LMO7: variants seen among roughly 807,000 people sequenced by gnomAD.
LMO7 encodes the protein LIM domain only protein 7.
Under a neutral mutation model 206.5 loss-of-function variants are expected in LMO7, and 120 were observed. The ratio of observed to expected loss-of-function variants is 0.58; its 90% CI spans 0.50 to 0.68. LMO7 has a LOEUF of 0.68. LMO7 is among the 30% of genes least tolerant of loss of function. The pLI, the probability that LMO7 is intolerant of heterozygous loss-of-function variation, is 0.00. For missense variants in LMO7, 1,959 were observed against 1,957.9 expected (o/e 1.00, Z -0.01); for synonymous variants, 706 against 681.5 (o/e 1.04, Z -0.56).
At chr13:75,662,399 G>A (rs1333353606) in intron 1 of LMO7, among the ~76,000 whole-genome samples, 2 of 152,264 alleles carry the variant, frequency 1.3e-5, no homozygotes, top group African/African-American at 2.4e-5. Context: ...GCTGACTGCA[G>A]TTGTGACTTC....
intron 3 of LMO7, among the ~76,000 whole-genome samples, chr13:75,737,782 T>TAAAAAAAAAAAAA (rs71127577): frequency 2.8e-5 from 1 of 36,336 alleles, no homozygotes; most frequent in Non-Finnish European, 4.1e-5. Flanking sequence ...TAAAATAAAA[T>TAAAAAAAAAAAAA]AAAAAAAAAA....
At chr13:75,740,401 C>T (rs1052969320) in intron 3 of LMO7, among the ~76,000 whole-genome samples, 1 of 152,198 alleles carries the variant, frequency 6.6e-6, no homozygotes, top group Admixed American at 6.5e-5. Context: ...CTACAATGAG[C>T]TATGATTGCA....
intron 1 of LMO7, among the ~76,000 whole-genome samples, chr13:75,678,943 G>A (rs1258252696): frequency 6.6e-6 from 1 of 152,114 alleles, no homozygotes; most frequent in Non-Finnish European, 1.5e-5. Context: ...TGGAAGTTTG[G>A]AAAAGACCTT....
intron 1 of LMO7, among the ~76,000 whole-genome samples, chr13:75,686,896 G>A (rs541645775): frequency 2.4e-4 from 36 of 152,154 alleles, no homozygotes; most frequent in Middle Eastern, 6.8e-3. Flanking sequence ...CTCTCCATGC[G>A]TCCTCACATA....
chr13:75,624,890 TA>T (rs1166149489), intron 2 of LMO7, among the ~76,000 whole-genome samples: 1 of 151,790 alleles, frequency 6.6e-6, no homozygotes, highest in Non-Finnish European at 1.5e-5. Context: ...TCAACACTCT[TA>T]GACACAAGGA....
At chr13:75,834,157 T>G in intron 16 of LMO7, 69 bp from the exon 17 acceptor site, 1 of 1,203,680 alleles carries the variant, frequency 8.3e-7, no homozygotes, top group Non-Finnish European at 1.2e-6. Flanking sequence ...TTTCTTAAGT[T>G]CAAAGCAGCA....
intron 3 of LMO7, among the ~76,000 whole-genome samples, chr13:75,735,057 C>G (rs2045663927): frequency 6.6e-6 from 1 of 151,124 alleles, no homozygotes; most frequent in Non-Finnish European, 1.5e-5. Flanking sequence ...GAGATCACGC[C>G]ACTGAACTCC....
intron 1 of LMO7, among the ~76,000 whole-genome samples, chr13:75,646,524 T>G (rs2037026852): frequency 6.6e-6 from 1 of 152,132 alleles, no homozygotes. Flanking sequence ...CTCTTCGACT[T>G]GCTTACTGTG....
At chr13:75,776,174 T>TATATATATATATCGG (rs1555317305) in intron 4 of LMO7, among the ~76,000 whole-genome samples, 3 of 59,952 alleles carry the variant, frequency 5.0e-5, no homozygotes, top group Non-Finnish European at 9.2e-5. Context: ...TATATATATA[T>TATATATATATATCGG]ATATATATAT....
chr13:75,635,456 G>A (rs1202703161), upstream of LMO7, among the ~76,000 whole-genome samples: 1 of 151,888 alleles, frequency 6.6e-6, no homozygotes, highest in Non-Finnish European at 1.5e-5. Context: ...CCCCGGCCCT[G>A]CACACCTACC....
At position 75,727,012 on chromosome 13, in the gene LMO7, T is replaced by C; in HGVS notation, c.141-17T>C. The stretch of plus-strand genomic sequence containing the variant: ...ATTGGCATCTTGTAATTGCATCTGT[T>C]ATTTATTTACTTTCAGTTTGATTAA... On this transcript the variant is annotated splice_polypyrimidine_tract_variant and intron_variant, in intron 2 of 30. Coordinates refer to ENST00000377534, the MANE Select transcript of LMO7 (RefSeq NM_001306080.2). The C allele has an allele frequency of 7.0e-7, 1 of 1,433,554 alleles. No homozygotes were observed. The highest frequency in any genetic ancestry group is 1.2e-5 in the South Asian group (1 of 86,440). The allele number at this position is 1,433,554 out of a possible 1,614,324, so 88.8% of individuals were successfully genotyped here.
chr13:75,737,476 G>A (rs1488663020), intron 3 of LMO7, among the ~76,000 whole-genome samples: 3 of 149,764 alleles, frequency 2.0e-5, no homozygotes, highest in South Asian at 2.1e-4. Flanking sequence ...AAACTTGGCC[G>A]GGCGCGGTGG....
At chr13:75,822,808 TTA>T (rs1014592175) in intron 14 of LMO7, among the ~76,000 whole-genome samples, 13 of 108,114 alleles carry the variant, frequency 1.2e-4, no homozygotes, top group South Asian at 3.4e-4. Context: ...TTTCTAAAAA[TTA>T]TATATATATA....
intron 4 of LMO7, among the ~76,000 whole-genome samples, chr13:75,784,128 G>T (rs1251304910): frequency 6.6e-6 from 1 of 152,130 alleles, no homozygotes; most frequent in African/African-American, 2.4e-5. Flanking sequence ...AGTGGGTAGA[G>T]GTCAGGCATG....
chr13:75,801,612 A>T (rs1168548828), intron 7 of LMO7, among the ~76,000 whole-genome samples: 8 of 152,182 alleles, frequency 5.3e-5, no homozygotes, highest in Non-Finnish European at 2.9e-5. Flanking sequence ...GCTACTGGGT[A>T]TAGCGTCAGC....
At chr13:75,626,595 A>ATATATTTTTTTTTTT in intron 2 of LMO7, among the ~76,000 whole-genome samples, 1 of 71,100 alleles carries the variant, frequency 1.4e-5, no homozygotes, top group African/African-American at 3.6e-5. Context: ...ATATATATAA[A>ATATATTTTTTTTTTT]TTTTTTTGAG....
intron 1 of LMO7, among the ~76,000 whole-genome samples, chr13:75,705,721 T>C (rs578068645): frequency 6.6e-6 from 1 of 152,326 alleles, no homozygotes; most frequent in East Asian, 1.9e-4. Context: ...AACAGTTCTT[T>C]TAAAATACTG....
rs191569042 is a variant in LMO7, at chr13:75,624,751, C to T, written c.225+1431C>T. ...TCATATCTTGTGAGACTTACTATCA[C>T]GGGAACAGCACAAGAAAGACCCACT... On this transcript the variant is annotated intron_variant, in intron 2 of 29. Coordinates refer to the LMO7 transcript ENST00000341547. Among the ~76,000 whole-genome samples, 86 of 152,264 alleles carry T rather than the reference C, an allele frequency of 5.6e-4. 1 individual carries two copies. The East Asian group carries it at 6.8e-3, about 12-fold the overall frequency.
chr13:75,664,032 T>C (rs185627314), intron 1 of LMO7, among the ~76,000 whole-genome samples: 145 of 152,256 alleles, frequency 9.5e-4, no homozygotes, highest in Admixed American at 2.9e-3. Context: ...GGTTAAATTA[T>C]TTTTTACCAC....
Sources: allele counts gnomAD v4.1 joint callset (sites outside exome capture counted in the v4.1 genomes callset), GRCh38; gene constraint gnomAD v4.1.1; transcripts MANE v1.5; gene names NCBI Gene and HGNC (gene_info 2026-07-23, HGNC 2026-07-21).